Variants in NCOA7 observed in about 807,000 individuals in gnomAD.
NCOA7 encodes the protein nuclear receptor coactivator 7.
In NCOA7, 45 loss-of-function variants were observed where a neutral mutation model predicts 104.3. The ratio of observed to expected loss-of-function variants is 0.43; its 90% CI spans 0.34 to 0.55. The LOEUF (loss-of-function observed/expected upper bound fraction) is 0.55. Ranked by LOEUF, NCOA7 falls within the 20% of genes least tolerant of loss-of-function variation. The pLI, the probability that NCOA7 is intolerant of heterozygous loss-of-function variation, is 0.02. For missense variants in NCOA7, 1,041 were observed against 1,119.7 expected, an observed-to-expected ratio of 0.93 and a Z score of 1.00; for synonymous variants, 398 against 402.3, an observed-to-expected ratio of 0.99 and a Z score of 0.13.
intron 2 of NCOA7, among the ~76,000 whole-genome samples, chr6:125,828,181 T>C (rs1350000881): frequency 6.6e-6 from 1 of 152,102 alleles, no homozygotes; most frequent in East Asian, 1.9e-4. Flanking sequence ...ATTAGGAAAT[T>C]TCAACATTTG....
rs1406073457 is a variant in NCOA7, at chr6:125,931,184, G to A, written c.*2413G>A. On this transcript the variant is annotated 3_prime_UTR_variant, in exon 16 of 16. Transcript: ENST00000392477. ...GTGTTTATTTTTGTGAGAGGATGGT[G>A]AAATATCCAAGACTAAACAAGGTCC... The A allele has an allele frequency of 1.3e-5, 2 of 152,382 alleles. No homozygotes were observed. Among genetic ancestry groups the A allele is most frequent in the African/African-American group, 2.4e-5 (1 of 41,442 alleles). The allele number at this position is 152,382 out of a possible 1,614,324, so 9.4% of individuals were successfully genotyped here.
At chr6:125,852,449 C>T (rs2128617374) in intron 2 of NCOA7, among the ~76,000 whole-genome samples, 1 of 152,218 alleles carries the variant, frequency 6.6e-6, no homozygotes, top group African/African-American at 2.4e-5. Context: ...CTGCTTAGGC[C>T]TCCCAAAGTG....
intron 3 of NCOA7, among the ~76,000 whole-genome samples, chr6:125,871,998 G>GAA (rs530879162): frequency 6.7e-5 from 6 of 89,726 alleles, no homozygotes; most frequent in South Asian, 4.4e-4. Context: ...CCCTGTCTCA[G>GAA]AAAAAAAAAA....
At chr6:125,851,146 A>T (rs901098959) in intron 2 of NCOA7, among the ~76,000 whole-genome samples, 3 of 152,070 alleles carry the variant, frequency 2.0e-5, no homozygotes, top group African/African-American at 7.2e-5. Context: ...TTGGTGGTAC[A>T]AGTGGTTTTT....
chr6:125,900,081 G>A (rs527758586), intron 10 of NCOA7: 24 of 530,414 alleles, frequency 4.5e-5, no homozygotes, highest in Admixed American at 3.9e-4. Context: ...CTGTGGAATG[G>A]GGGTAAAGGA....
upstream of NCOA7, among the ~76,000 whole-genome samples, chr6:125,786,684 C>G (rs540319628): frequency 1.5e-4 from 23 of 150,336 alleles, 1 homozygote; most frequent in South Asian, 4.6e-3. Flanking sequence ...TCAAGTGATT[C>G]TCCTGCCTCA....
At chr6:125,837,662 C>T (rs1179207262) in intron 2 of NCOA7, among the ~76,000 whole-genome samples, 2 of 152,068 alleles carry the variant, frequency 1.3e-5, no homozygotes, top group African/African-American at 4.8e-5. Flanking sequence ...CACTTCTCCC[C>T]CTAATTCATT....
chr6:125,836,706 A>C (rs920616787), intron 2 of NCOA7, among the ~76,000 whole-genome samples: 1 of 152,224 alleles, frequency 6.6e-6, no homozygotes, highest in Non-Finnish European at 1.5e-5. Flanking sequence ...ATTGAAATTA[A>C]AAGGAATGCC....
chr6:125,785,331 C>CT (rs143538824), intron 1 of NCOA7, among the ~76,000 whole-genome samples: 9,199 of 152,218 alleles, frequency 0.06, 326 homozygotes, highest in Middle Eastern at 0.095. Context: ...GAGTGAGACT[C>CT]TGTCTCAAGA....
intron 2 of NCOA7, among the ~76,000 whole-genome samples, chr6:125,848,055 A>G (rs1475328091): frequency 6.6e-6 from 1 of 152,246 alleles, no homozygotes; most frequent in African/African-American, 2.4e-5. Flanking sequence ...AAAAATGCTC[A>G]TCATCACTGG....
intron 2 of NCOA7, among the ~76,000 whole-genome samples, chr6:125,835,613 T>C (rs1314781858): frequency 1.3e-5 from 2 of 152,228 alleles, no homozygotes; most frequent in Admixed American, 6.5e-5. Context: ...AAATGCTTGC[T>C]ATTAGGTCTC....
chr6:125,890,668 A>T lies in NCOA7; in HGVS notation c.1954A>T (p.Ser652Cys). The change falls in exon 10 of 16, where the codon AGC (serine) becomes TGC (cysteine). Residue 652 changes from serine to cysteine, a missense_variant. By Grantham distance (112) the Ser-to-Cys change is moderately radical. Transcript: ENST00000392477. ...EDILPSKEEK[S>C]KTPPMFLCIK... ...TATACTTCCTTCAAAAGAAGAAAAA[A>T]GCAAGACCCCACCCATGTTCCTGTG... is the stretch of plus-strand genomic sequence containing the variant. 6.2e-7 allele frequency: 1 copy of T among 1,612,976 alleles called. No homozygotes were observed. Among genetic ancestry groups the T allele is most frequent in the Non-Finnish European group, 8.5e-7 (1 of 1,179,590 alleles).
At position 125,830,733 on chromosome 6, in the gene NCOA7, A is replaced by ATG. The variant is rs1491378471; in HGVS notation, c.50+15330_50+15331insGT. On this transcript the variant is annotated intron_variant, in intron 2 of 15. Transcript: ENST00000392477. Reference sequence around the variant, plus strand: ...CTCTCTATATATTTTATATATATATATATATGTGTGTGTGTGTGTGTGTGT... The same window carrying ATG: ...CTCTCTATATATTTTATATATATATATGTATATGTGTGTGTGTGTGTGTGTGT... Among the ~76,000 whole-genome samples the ATG allele has an allele frequency of 3.9e-3, 434 of 111,774 alleles. 2 individuals carry two copies. The highest frequency in any genetic ancestry group is 9.2e-3 in the South Asian group (29 of 3,164). 73.3% of individuals were successfully genotyped at this position (111,774 alleles called of 152,430 possible).
At chr6:125,867,376 GGTAAT>G (rs1366026144) in intron 3 of NCOA7, among the ~76,000 whole-genome samples, 3 of 152,094 alleles carry the variant, frequency 2.0e-5, no homozygotes, top group African/African-American at 7.2e-5. Context: ...AATTGATATT[GGTAAT>G]GTTTTACTTT....
rs1784522682 is a variant in NCOA7, at chr6:125,890,065, C to A, written c.1927+84C>A. 6 of 1,018,878 alleles carry A rather than the reference C, an allele frequency of 5.9e-6. No individual in the cohort carries two copies. The African/African-American group carries it at 8.2e-5, about 14-fold the overall frequency. The allele number at this position is 1,018,878 out of a possible 1,614,324, so 63.1% of individuals were successfully genotyped here. A position where few individuals can be genotyped will look rare whatever the true frequency, so the allele number is the denominator to read the frequency against. The stretch of plus-strand genomic sequence containing the variant: ...TGCACATGTAATACCCACATTAGTA[C>A]ATTTATTTGAAAACAGTATTTTCTC... On this transcript the variant is annotated intron_variant, in intron 9 of 15. Coordinates refer to ENST00000392477, the MANE Select transcript of NCOA7 (RefSeq NM_181782.5).
intron 2 of NCOA7, among the ~76,000 whole-genome samples, chr6:125,854,141 A>G (rs1781360163): frequency 6.6e-6 from 1 of 152,194 alleles, no homozygotes; most frequent in African/African-American, 2.4e-5. Flanking sequence ...ATAATTTTAA[A>G]ATACATATTT....
chr6:125,919,341 C>T, intron 11 of NCOA7: 1 of 1,612,852 alleles, frequency 6.2e-7, no homozygotes, highest in South Asian at 1.1e-5. Context: ...GAGAGCCACA[C>T]TTCTCACTGC....
intron 2 of NCOA7, among the ~76,000 whole-genome samples, chr6:125,848,707 GT>G (rs758447811): frequency 6.6e-6 from 1 of 152,024 alleles, no homozygotes; most frequent in Non-Finnish European, 1.5e-5. Context: ...TAAATGACGA[GT>G]TGATGGGTGC....
At chr6:125,901,215 A>T (rs931755596) in intron 10 of NCOA7, among the ~76,000 whole-genome samples, 9 of 152,166 alleles carry the variant, frequency 5.9e-5, no homozygotes, top group African/African-American at 2.2e-4. Context: ...ACTCTGAAGT[A>T]TGTTTTTAAT....
Sources: gnomAD v4.1 joint callset for allele counts (sites outside exome capture counted in the v4.1 genomes callset) on GRCh38, gnomAD v4.1.1 for gene constraint, MANE v1.5 for transcripts, NCBI Gene and HGNC (gene_info 2026-07-23, HGNC 2026-07-21) for gene names.